The following TJP1 variants were observed in gnomAD, a reference collection of about 807,000 sequenced individuals.
TJP1 encodes tight junction protein 1.
A neutral mutation model predicts 194.2 loss-of-function variants in TJP1; 43 were observed. The ratio of observed to expected loss-of-function variants is 0.22; its 90% CI spans 0.17 to 0.29. The LOEUF is 0.29. Ranked by LOEUF, TJP1 falls within the 10% of genes least tolerant of loss-of-function variation. The pLI is 1.00. For synonymous variants in TJP1, 801 were observed against 779.0 expected, an observed-to-expected ratio of 1.03 and a Z score of -0.47; for missense variants, 1,971 against 2,185.7, an observed-to-expected ratio of 0.90 and a Z score of 1.96.
intron 2 of TJP1, among the ~76,000 whole-genome samples, chr15:29,783,299 A>C (rs1408362673): frequency 3.3e-5 from 5 of 152,048 alleles, no homozygotes; most frequent in Admixed American, 3.3e-4. Flanking sequence ...AAACACAAAG[A>C]TATCATCTCA....
chr15:29,892,998 A>G (rs1247689188), intron 2 of TJP1, among the ~76,000 whole-genome samples: 1 of 152,200 alleles, frequency 6.6e-6, no homozygotes, highest in African/African-American at 2.4e-5. Context: ...GAGCAAAGTA[A>G]ATTAAAAATC....
intron 8 of TJP1, chr15:29,760,096 G>A: frequency 3.3e-6 from 2 of 612,200 alleles, no homozygotes; most frequent in Non-Finnish European, 5.9e-6. Flanking sequence ...ACGTATAAGG[G>A]TTCCCTTTTC....
intron 2 of TJP1, among the ~76,000 whole-genome samples, chr15:29,907,240 T>C (rs1215532288): frequency 1.3e-5 from 2 of 151,884 alleles, no homozygotes; most frequent in Non-Finnish European, 2.9e-5. Context: ...AAACCCCATC[T>C]CCACTAAAAA....
chr15:29,732,214 G>A (rs1056018736), intron 15 of TJP1: 1 of 552,612 alleles, frequency 1.8e-6, no homozygotes, highest in South Asian at 2.4e-5. Flanking sequence ...ATTTTCATAT[G>A]AAGCCAAGAG....
chr15:29,823,194 T>G (rs927403674), upstream of TJP1: 3 of 152,264 alleles, frequency 2.0e-5, no homozygotes, highest in African/African-American at 4.8e-5. Flanking sequence ...CCATCAAGAT[T>G]GCTGAAATTC....
chr15:29,923,841 A>ATGTTTTT (rs1304837910), intron 2 of TJP1, among the ~76,000 whole-genome samples: 1 of 152,162 alleles, frequency 6.6e-6, no homozygotes, highest in African/African-American at 2.4e-5. Flanking sequence ...TTAAAAACCA[A>ATGTTTTT]AAGCTCTCCC....
intron 2 of TJP1, chr15:29,800,410 A>C: frequency 5.8e-6 from 3 of 518,532 alleles, no homozygotes; most frequent in Middle Eastern, 1.0e-3. Context: ...TTTAAAAGCA[A>C]ATCACTTTTT....
chr15:29,703,345 G>A (rs1345183003), intron 27 of TJP1, among the ~76,000 whole-genome samples: 1 of 152,058 alleles, frequency 6.6e-6, no homozygotes, highest in Non-Finnish European at 1.5e-5. Flanking sequence ...GGCTGAGGCA[G>A]GAGAATCGCT....
At chr15:29,909,555 G>T (rs2053950296) in intron 2 of TJP1, among the ~76,000 whole-genome samples, 1 of 152,012 alleles carries the variant, frequency 6.6e-6, no homozygotes, top group African/African-American at 2.4e-5. Flanking sequence ...AGCCTACCCT[G>T]TAGCCAGCCC....
At chr15:29,711,080 T>G in intron 23 of TJP1, 80 bp from the exon 24 acceptor site, 1 of 1,440,518 alleles carries the variant, frequency 6.9e-7, no homozygotes, top group Non-Finnish European at 9.2e-7. Flanking sequence ...TCCATGTATC[T>G]CTAAGTTAAA....
Position 29,704,243 on chromosome 15 carries a change from C to A in TJP1, c.5131G>T (p.Val1711Leu). The change falls in exon 27 of 28, where the codon GTG becomes TTG. Residue 1711 changes from valine (V) to leucine (L), a missense_variant. Physicochemically the swap from Val to Leu is conservative, Grantham distance 32. Transcript: ENST00000614355. ...GCACAGTGTGGTAAGCGCAGCTCCA[C>A]AGGCTTCAGGAACTTGAGGCCATGG... ...GPHGLKFLKPVELRLPHCASM... is the reference protein window; with the variant it reads ...GPHGLKFLKPLELRLPHCASM... 1 of 1,597,178 alleles carries A rather than the reference C, an allele frequency of 6.3e-7. No individual in the cohort carries two copies. Among genetic ancestry groups the A allele is most frequent in the Non-Finnish European group, 8.5e-7 (1 of 1,172,098 alleles).
At chr15:29,900,763 T>C (rs528102797) in intron 2 of TJP1, among the ~76,000 whole-genome samples, 94 of 152,366 alleles carry the variant, frequency 6.2e-4, no homozygotes, top group African/African-American at 2.1e-3. Flanking sequence ...TTACAAACTC[T>C]ATTGAATTTC....
intron 2 of TJP1, among the ~76,000 whole-genome samples, chr15:29,845,664 G>A (rs541339204): frequency 6.6e-6 from 1 of 152,196 alleles, no homozygotes; most frequent in East Asian, 1.9e-4. Flanking sequence ...AATTAGCCGG[G>A]CGTGGTGGCA....
chr15:29,751,102 C>A (rs1436164884), intron 8 of TJP1, among the ~76,000 whole-genome samples: 1 of 152,176 alleles, frequency 6.6e-6, no homozygotes, highest in Non-Finnish European at 1.5e-5. Context: ...TGAAGTTCCC[C>A]CTTCACAACG....
At chr15:29,707,170 A>T (rs1242526172) in intron 25 of TJP1, among the ~76,000 whole-genome samples, 1 of 152,166 alleles carries the variant, frequency 6.6e-6, no homozygotes, top group Non-Finnish European at 1.5e-5. Context: ...AACATCCACG[A>T]AAGAGAGACA....
chr15:29,806,396 A>G (rs1474035792), intron 1 of TJP1, among the ~76,000 whole-genome samples: 2 of 152,168 alleles, frequency 1.3e-5, no homozygotes, highest in African/African-American at 4.8e-5. Context: ...AGATCAATAC[A>G]CCTCATTTAT....
chr15:29,740,727 ATAATG>A (rs1440241337), intron 10 of TJP1, among the ~76,000 whole-genome samples: 2 of 152,190 alleles, frequency 1.3e-5, no homozygotes, highest in Non-Finnish European at 2.9e-5. Context: ...TACCAAGTAT[ATAATG>A]TAAAGTAATG....
chr15:29,806,090 T>C lies in TJP1; in HGVS notation c.28-5388A>G, dbSNP rs149641353. 1.8e-3 allele frequency among the ~76,000 whole-genome samples: 270 copies of C among 152,258 alleles called. 1 individual carries two copies. The highest frequency in any genetic ancestry group is 6.1e-3 in the African/African-American group (252 of 41,560). On this transcript the variant is annotated intron_variant, in intron 1 of 27. Transcript: ENST00000614355. The stretch of plus-strand genomic sequence containing the variant: ...AAGAATTTTCGACGATCAAATGATA[T>C]AAGAATTCATCCTGAAGGCTGTAAT...
At chr15:29,858,106 G>C (rs2051931065) in intron 2 of TJP1, among the ~76,000 whole-genome samples, 1 of 152,112 alleles carries the variant, frequency 6.6e-6, no homozygotes, top group Non-Finnish European at 1.5e-5. Flanking sequence ...CTGCCTTCAG[G>C]ACTATGGAAA....
Sources: allele counts gnomAD v4.1 joint callset (sites outside exome capture counted in the v4.1 genomes callset), GRCh38; gene constraint gnomAD v4.1.1; transcripts MANE v1.5; gene names NCBI Gene and HGNC (gene_info 2026-07-23, HGNC 2026-07-21).